Variants in MAP2 observed in about 807,000 individuals in gnomAD.
MAP2 encodes microtubule associated protein 2.
MAP2 carries 14 observed loss-of-function variants against 137.6 expected under a neutral mutation model. That is an observed-to-expected ratio of 0.10 (90% CI 0.07 to 0.16). MAP2 has a LOEUF of 0.16. MAP2 is among the 10% of genes least tolerant of loss of function. The pLI, the probability that MAP2 is intolerant of heterozygous loss-of-function variation, is 1.00. For missense variants in MAP2, 2,088 were observed against 2,191.5 expected (o/e 0.95, Z 0.94); for synonymous variants, 786 against 782.3 (o/e 1.00, Z -0.08).
chr2:209,651,523 AC>A (rs1262872426), intron 4 of MAP2, among the ~76,000 whole-genome samples: 1 of 152,200 alleles, frequency 6.6e-6, no homozygotes, highest in Non-Finnish European at 1.5e-5. Flanking sequence ...TTCTGTTTAA[AC>A]TTGGTAACAA....
intron 5 of MAP2, among the ~76,000 whole-genome samples, chr2:209,663,969 C>T (rs758541330): frequency 3.3e-5 from 5 of 152,156 alleles, no homozygotes; most frequent in Admixed American, 6.5e-5. Flanking sequence ...CAAAGGTTCT[C>T]GGAAATCTAC....
chr2:209,498,155 G>A (rs1449317769), intron 1 of MAP2, among the ~76,000 whole-genome samples: 1 of 152,194 alleles, frequency 6.6e-6, no homozygotes, highest in East Asian at 1.9e-4. Context: ...CCAAAAGGAA[G>A]AAATTGGCCA....
At position 209,695,306 on chromosome 2, in the gene MAP2, C is replaced by A. The variant is rs768185810; in HGVS notation, c.3136C>A (p.Leu1046Ile). The change falls in exon 8 of 16, where the codon CTA (leucine) becomes ATA (isoleucine). Residue 1046 changes from leucine to isoleucine, a missense_variant. Around this residue, in one of 6 missense-constraint regions of MAP2, gnomAD observed 500 missense variants for 482.9 expected, o/e 1.04. Coordinates refer to ENST00000682079, the MANE Select transcript of MAP2 (RefSeq NM_001375505.1). ...TCTGGATTTTGCTGTCCAGGGTCAA[C>A]TAGATGTTAAAATTAGTGACTTTGG... ...QGLDFAVQGQ[L>I]DVKISDFGQM... 2.5e-6 allele frequency: 4 copies of A among 1,613,998 alleles called. No individual in the cohort carries two copies. The South Asian group carries it at 4.4e-5, about 18-fold the overall frequency.
intron 2 of MAP2, among the ~76,000 whole-genome samples, chr2:209,524,467 A>T (rs573826813): frequency 4.6e-5 from 7 of 152,098 alleles, no homozygotes; most frequent in South Asian, 2.1e-4. Context: ...CTTTATGATA[A>T]TTGCTATGTT....
At chr2:209,430,959 A>C (rs1052057542) in intron 1 of MAP2, among the ~76,000 whole-genome samples, 6 of 152,204 alleles carry the variant, frequency 3.9e-5, no homozygotes, top group African/African-American at 1.4e-4. Context: ...TTCGGGATGA[A>C]GATTATTTCA....
At chr2:209,663,573 T>C (rs982697353) in intron 5 of MAP2, among the ~76,000 whole-genome samples, 1 of 152,164 alleles carries the variant, frequency 6.6e-6, no homozygotes, top group Admixed American at 6.5e-5. Flanking sequence ...TGGGTGGTTA[T>C]TAGAACACAG....
chr2:209,694,379 G>T lies in MAP2; in HGVS notation c.2209G>T (p.Gly737Ter). The part of the protein sequence containing the change: ...LASDILTNTS[G>*]SMDEGDDYLP... ...TTCCGATATTCTAACCAACACTAGT[G>T]GAAGTATGGATGAAGGGGATGATTA... is the stretch of plus-strand genomic sequence containing the variant. Residue 737 changes from glycine (G) to a stop codon, truncating the protein, a stop_gained, in exon 8 of 16, where the codon GGA becomes TGA. Transcript: ENST00000682079. LOFTEE classifies it high-confidence loss of function. 6.2e-7 allele frequency: 1 copy of T among 1,614,112 alleles called. No homozygotes were observed. The highest frequency in any genetic ancestry group is 8.5e-7 in the Non-Finnish European group (1 of 1,180,008).
At chr2:209,584,922 C>A (rs958503474) in intron 3 of MAP2, among the ~76,000 whole-genome samples, 1 of 152,050 alleles carries the variant, frequency 6.6e-6, no homozygotes, top group African/African-American at 2.4e-5. Context: ...GAGAGCTACA[C>A]GAGGAAAGAG....
Position 209,556,506 on chromosome 2 carries a change from A to C in MAP2, c.-171-23530A>C, listed in dbSNP as rs1334501337. 2.0e-5 allele frequency among the ~76,000 whole-genome samples: 3 copies of C among 152,302 alleles called. No homozygotes were observed. The East Asian group carries it at 5.8e-4, about 29-fold the overall frequency. ...TGTAAGTATTACGTGAACCTTGTAA[A>C]GTTCTTAGCAGTGTCTGGCACATAG... is the stretch of plus-strand genomic sequence containing the variant. On this transcript the variant is annotated intron_variant, in intron 2 of 15. Coordinates refer to ENST00000682079, the MANE Select transcript of MAP2 (RefSeq NM_001375505.1).
At position 209,637,762 on chromosome 2, in the gene MAP2, T is replaced by C. The variant is rs569110128; in HGVS notation, c.-30+12633T>C. 2.5e-4 allele frequency among the ~76,000 whole-genome samples: 38 copies of C among 152,284 alleles called. 2 individuals are homozygous for C. In the South Asian group the frequency reaches 7.9e-3, roughly 32 times the overall value. The stretch of plus-strand genomic sequence containing the variant: ...AACATATGTTAGGTTTAATAGAAGA[T>C]TAATTTTTGAATACCAGTGCATTAA... On this transcript the variant is annotated intron_variant, in intron 4 of 15. Coordinates refer to ENST00000682079, the MANE Select transcript of MAP2 (RefSeq NM_001375505.1).
chr2:209,477,717 T>C (rs1051910734), intron 1 of MAP2, among the ~76,000 whole-genome samples: 4 of 152,042 alleles, frequency 2.6e-5, no homozygotes, highest in Non-Finnish European at 5.9e-5. Context: ...ATACTAAAGG[T>C]TGGGTATGGT....
At chr2:209,472,497 A>G (rs957784568) in intron 1 of MAP2, among the ~76,000 whole-genome samples, 3 of 152,324 alleles carry the variant, frequency 2.0e-5, no homozygotes, top group South Asian at 2.1e-4. Context: ...TTAAAAGCTC[A>G]TGGTCAGGTG....
At chr2:209,661,625 G>T in intron 5 of MAP2, 1 of 985,466 alleles carries the variant, frequency 1.0e-6, no homozygotes, top group South Asian at 4.7e-5. Context: ...TTAGGCATCC[G>T]GGGCTAGAAA....
chr2:209,683,669 TAGCAGGTCAGGTGGAAAGGG>T (rs1461296895), intron 7 of MAP2, among the ~76,000 whole-genome samples: 2 of 152,226 alleles, frequency 1.3e-5, no homozygotes. Context: ...ATATTGCTTA[TAGCAGGTCAGGTGGAAAGGG>T]AGCAGGTGGA....
chr2:209,556,020 CTTTCTTTTTTTTTTTTCT>C (rs1203894595), intron 2 of MAP2, among the ~76,000 whole-genome samples: 5 of 63,680 alleles, frequency 7.9e-5, no homozygotes, highest in East Asian at 3.4e-4. Context: ...TTCAGGCATT[CTTTCTTTTTTTTTTTTCT>C]TTTCTTTTTT....
At chr2:209,580,139 A>G (rs894678022) in intron 3 of MAP2, 39 bp downstream of exon 3, 1 of 152,062 alleles carries the variant, frequency 6.6e-6, no homozygotes, top group Non-Finnish European at 1.5e-5. Flanking sequence ...ATGAGGGAAA[A>G]TCAGGGGAGA....
chr2:209,495,300 A>G (rs1216404370), intron 1 of MAP2, among the ~76,000 whole-genome samples: 2 of 152,232 alleles, frequency 1.3e-5, no homozygotes, highest in Non-Finnish European at 2.9e-5. Context: ...CTCTGAAGAG[A>G]GCGGCAGATC....
chr2:209,638,123 T>G (rs1170399915), intron 4 of MAP2, among the ~76,000 whole-genome samples: 1 of 152,122 alleles, frequency 6.6e-6, no homozygotes, highest in Non-Finnish European at 1.5e-5. Flanking sequence ...TTGTATACAT[T>G]TCAGGCCTGG....
chr2:209,569,935 T>C (rs2074114495), intron 2 of MAP2, among the ~76,000 whole-genome samples: 1 of 151,842 alleles, frequency 6.6e-6, no homozygotes, highest in Non-Finnish European at 1.5e-5. Flanking sequence ...GCAAAGTTCT[T>C]TAAAAACCCA....
Sources: allele counts gnomAD v4.1 joint callset (sites outside exome capture counted in the v4.1 genomes callset), GRCh38; gene constraint gnomAD v4.1.1; regional missense constraint gnomAD v4.1.1; transcripts MANE v1.5; gene names NCBI Gene and HGNC (gene_info 2026-07-23, HGNC 2026-07-21).